The following PDGFC variants were observed in gnomAD, a reference collection of about 807,000 sequenced individuals.
The protein encoded by PDGFC is platelet-derived growth factor C.
Under a neutral mutation model 35.5 loss-of-function variants are expected in PDGFC, and 12 were observed. The ratio of observed to expected loss-of-function variants is 0.34; its 90% CI spans 0.22 to 0.55. PDGFC has a LOEUF of 0.55. Ranked by LOEUF, PDGFC falls within the 20% of genes least tolerant of loss-of-function variation. PDGFC has a pLI of 0.91. For synonymous variants in PDGFC, 159 were observed against 148.8 expected (o/e 1.07, Z -0.50); for missense variants, 322 against 412.4 (o/e 0.78, Z 1.90).
intron 1 of PDGFC, among the ~76,000 whole-genome samples, chr4:156,874,383 A>G (rs1044945822): frequency 6.6e-6 from 1 of 152,186 alleles, no homozygotes; most frequent in Admixed American, 6.5e-5. Flanking sequence ...TTAAATAGCT[A>G]GTTTTGAGCA....
intron 1 of PDGFC, chr4:156,874,118 C>T (rs1039528964): frequency 1.3e-5 from 2 of 152,048 alleles, no homozygotes; most frequent in African/African-American, 2.4e-5. Context: ...AAATACTAGA[C>T]ATAAAGTATT....
At chr4:156,775,843 T>C (rs1730813951) in intron 3 of PDGFC, among the ~76,000 whole-genome samples, 2 of 152,112 alleles carry the variant, frequency 1.3e-5, no homozygotes, top group African/African-American at 2.4e-5. Flanking sequence ...TAAAATTTGA[T>C]AAATTTAGAA....
chr4:156,833,689 A>T (rs1474387545), intron 2 of PDGFC, among the ~76,000 whole-genome samples: 2 of 152,328 alleles, frequency 1.3e-5, no homozygotes, highest in African/African-American at 2.4e-5. Context: ...TGATAATTTT[A>T]TTCTTATATA....
At chr4:156,787,640 A>C (rs1731164588) in intron 3 of PDGFC, among the ~76,000 whole-genome samples, 1 of 151,514 alleles carries the variant, frequency 6.6e-6, no homozygotes. Context: ...AACCAATAGA[A>C]TGGCCAATGG....
chr4:156,957,847 A>G (rs1732248476), intron 1 of PDGFC, among the ~76,000 whole-genome samples: 1 of 151,936 alleles, frequency 6.6e-6, no homozygotes, highest in Non-Finnish European at 1.5e-5. Context: ...TCTGCCTCAA[A>G]ACAAACTGCA....
At chr4:156,816,732 C>G (rs756558159) in intron 2 of PDGFC, among the ~76,000 whole-genome samples, 1 of 152,106 alleles carries the variant, frequency 6.6e-6, no homozygotes, top group Non-Finnish European at 1.5e-5. Context: ...AAGTGCTAAG[C>G]CACATTGCTT....
intron 1 of PDGFC, 99 bp downstream of exon 1, chr4:156,970,687 T>C: frequency 1.3e-6 from 1 of 750,514 alleles, no homozygotes. Context: ...AGACCAAAGA[T>C]ACCTTCACAG....
intron 1 of PDGFC, 24 bp from the exon 2 acceptor site, chr4:156,850,440 G>A (rs747604107): frequency 1.4e-6 from 2 of 1,396,182 alleles, no homozygotes; most frequent in Admixed American, 2.1e-5. Flanking sequence ...CATAGACATA[G>A]ACATACATTT....
At chr4:156,875,294 A>G (rs1369746484) in intron 1 of PDGFC, among the ~76,000 whole-genome samples, 4 of 152,158 alleles carry the variant, frequency 2.6e-5, no homozygotes, top group Admixed American at 6.5e-5. Context: ...ATGGAACACA[A>G]TAACAATCAG....
At chr4:156,801,457 C>G (rs1291889170) in intron 3 of PDGFC, among the ~76,000 whole-genome samples, 1 of 152,144 alleles carries the variant, frequency 6.6e-6, no homozygotes, top group Non-Finnish European at 1.5e-5. Flanking sequence ...CAGTACCAAC[C>G]TCTACATATG....
intron 1 of PDGFC, among the ~76,000 whole-genome samples, chr4:156,851,804 G>A (rs557174701): frequency 4.0e-5 from 6 of 151,542 alleles, no homozygotes; most frequent in Non-Finnish European, 8.8e-5. Flanking sequence ...AGGGGCGGGC[G>A]CCTGTAGTCC....
At chr4:156,947,950 A>G (rs1336700460) in intron 1 of PDGFC, among the ~76,000 whole-genome samples, 7 of 151,924 alleles carry the variant, frequency 4.6e-5, no homozygotes, top group Non-Finnish European at 7.4e-5. Context: ...ATTAATTTAC[A>G]GTTTCTCGAT....
chr4:156,878,655 C>A (rs1051491152), intron 1 of PDGFC, among the ~76,000 whole-genome samples: 3 of 152,088 alleles, frequency 2.0e-5, no homozygotes, highest in Non-Finnish European at 4.4e-5. Flanking sequence ...ATGCAATATA[C>A]TCCAATGAGA....
At chr4:156,840,379 A>G (rs1392338785) in intron 2 of PDGFC, among the ~76,000 whole-genome samples, 1 of 152,142 alleles carries the variant, frequency 6.6e-6, no homozygotes, top group East Asian at 1.9e-4. Flanking sequence ...GGTAGCTTCT[A>G]TGTAGTGTTG....
intron 1 of PDGFC, among the ~76,000 whole-genome samples, chr4:156,891,751 A>G (rs1730516841): frequency 6.6e-6 from 1 of 152,220 alleles, no homozygotes; most frequent in Non-Finnish European, 1.5e-5. Flanking sequence ...CCTCGCTTTA[A>G]TATGTGTCCT....
At chr4:156,764,065 AGGAAATT>A (rs1053584071) in intron 5 of PDGFC, among the ~76,000 whole-genome samples, 18 of 152,230 alleles carry the variant, frequency 1.2e-4, no homozygotes, top group Admixed American at 1.3e-4. Context: ...AATAAAGTTT[AGGAAATT>A]GTATTTTGTT....
intron 2 of PDGFC, among the ~76,000 whole-genome samples, chr4:156,814,965 T>C (rs1042769294): frequency 5.3e-5 from 8 of 152,172 alleles, no homozygotes; most frequent in Admixed American, 3.3e-4. Context: ...ATAATCCTTA[T>C]GAAAATTTCT....
chr4:156,871,586 A>G (rs546868538), intron 1 of PDGFC, among the ~76,000 whole-genome samples: 2 of 152,300 alleles, frequency 1.3e-5, no homozygotes, highest in East Asian at 3.9e-4. Context: ...TTTTATACAT[A>G]AACTAAATAG....
intron 1 of PDGFC, among the ~76,000 whole-genome samples, chr4:156,927,717 T>G (rs1021236520): frequency 5.9e-5 from 9 of 152,212 alleles, no homozygotes; most frequent in Admixed American, 5.2e-4. Flanking sequence ...ATTCAATGAG[T>G]CTCTAGGGAG....
Sources: allele counts gnomAD v4.1 joint callset (sites outside exome capture counted in the v4.1 genomes callset), GRCh38; gene constraint gnomAD v4.1.1; transcripts MANE v1.5; gene names NCBI Gene and HGNC (gene_info 2026-07-23, HGNC 2026-07-21).